SCN7A: variants seen among roughly 807,000 people sequenced by gnomAD.
SCN7A encodes sodium channel protein type 7 subunit alpha.
A neutral mutation model predicts 155.2 loss-of-function variants in SCN7A; 138 were observed. The observed-to-expected ratio is 0.89, with a 90% CI of 0.77 to 1.02. SCN7A has a LOEUF of 1.02. Among genes scored for constraint, SCN7A ranks in the 50% least tolerant of loss-of-function variants. The pLI is 0.00. For synonymous variants in SCN7A, 693 were observed against 649.0 expected (o/e 1.07, Z -1.03); for missense variants, 2,058 against 1,986.6 (o/e 1.04, Z -0.68).
At chr2:166,486,352 A>G (rs1703048574) in intron 2 of SCN7A, among the ~76,000 whole-genome samples, 1 of 152,120 alleles carries the variant, frequency 6.6e-6, no homozygotes, top group South Asian at 2.1e-4. Flanking sequence ...AACCCCTAGC[A>G]CCAAGTCTGG....
chr2:166,486,789 G>T (rs1275064137), intron 2 of SCN7A, 67 bp downstream of exon 2: 4 of 152,190 alleles, frequency 2.6e-5, no homozygotes. Context: ...TTTCTTGTTT[G>T]TTTTTTCTCA....
chr2:166,451,253 G>A (rs945709084), intron 11 of SCN7A, among the ~76,000 whole-genome samples: 2 of 152,126 alleles, frequency 1.3e-5, no homozygotes, highest in African/African-American at 4.8e-5. Flanking sequence ...TTTAGAATAT[G>A]AAATGAATAA....
At chr2:166,472,186 C>T in intron 6 of SCN7A, 131 bp downstream of exon 6, 1 of 837,988 alleles carries the variant, frequency 1.2e-6, no homozygotes, top group South Asian at 1.9e-5. Context: ...CTCACTATGA[C>T]CATAACTTTG....
intron 16 of SCN7A, among the ~76,000 whole-genome samples, chr2:166,432,000 A>G (rs567199066): frequency 1.3e-3 from 200 of 152,210 alleles, no homozygotes; most frequent in Non-Finnish European, 2.3e-3. Flanking sequence ...TTATTAATTT[A>G]TAGAATGTCA....
intron 25 of SCN7A, among the ~76,000 whole-genome samples, chr2:166,408,818 T>C (rs1451864512): frequency 2.0e-5 from 3 of 151,992 alleles, no homozygotes; most frequent in Admixed American, 6.6e-5. Flanking sequence ...TCATGGAACT[T>C]ACACCCTAAT....
At chr2:166,435,114 A>G (rs1261598572) in intron 15 of SCN7A, among the ~76,000 whole-genome samples, 2 of 152,052 alleles carry the variant, frequency 1.3e-5, no homozygotes, top group African/African-American at 4.8e-5. Flanking sequence ...AATGAACGTA[A>G]TCTTAAAAGT....
chr2:166,449,048 G>T lies in SCN7A; in HGVS notation c.1291-1340C>A, dbSNP rs993047410. ...TGTTTATCATGTCTCTTGAATAATG[G>T]TTTTAAGAGATCTTCTGCTTTACTG... On this transcript the variant is annotated intron_variant, in intron 11 of 25. Coordinates refer to ENST00000643258, the MANE Select transcript of SCN7A (RefSeq NM_002976.4). 3.0e-4 allele frequency among the ~76,000 whole-genome samples: 45 copies of T among 152,118 alleles called. 2 individuals carry two copies. The highest frequency in any genetic ancestry group is 1.1e-3 in the African/African-American group (45 of 41,420).
intron 3 of SCN7A, among the ~76,000 whole-genome samples, chr2:166,476,798 C>G (rs1702808557): frequency 6.6e-6 from 1 of 151,932 alleles, no homozygotes; most frequent in Admixed American, 6.6e-5. Context: ...CTGCTCTTGC[C>G]TACACATAGG....
intron 11 of SCN7A, among the ~76,000 whole-genome samples, chr2:166,455,141 A>G (rs1702247877): frequency 6.6e-6 from 1 of 152,168 alleles, no homozygotes; most frequent in African/African-American, 2.4e-5. Context: ...AATTTTATCC[A>G]TCCTTTTAGT....
chr2:166,417,103 C>A (rs868206206), intron 20 of SCN7A, 118 bp from the exon 21 acceptor site: 3 of 786,214 alleles, frequency 3.8e-6, no homozygotes, highest in Middle Eastern at 3.3e-4. Flanking sequence ...CCTTAAAAGG[C>A]CATATCTAAA....
rs933204874 is a variant in SCN7A at position 166,441,812 on chromosome 2, A to G, written c.1801-60T>C. 2.4e-5 allele frequency: 31 copies of G among 1,302,922 alleles called. No homozygotes were observed. In the African/African-American group the frequency reaches 3.8e-4, roughly 16 times the overall value. The allele number at this position is 1,302,922 out of a possible 1,614,324, so 80.7% of individuals were successfully genotyped here. A position where few individuals can be genotyped will look rare whatever the true frequency, so the allele number is the denominator to read the frequency against. ...AAATGACAAAAAACTTGGTCAGTGT[A>G]TATTACAAGGTACAGTGTTATACAC... is the stretch of plus-strand genomic sequence containing the variant. On this transcript the variant is annotated intron_variant, in intron 14 of 25. Transcript: ENST00000643258.
At chr2:166,423,211 G>A in intron 19 of SCN7A, 48 bp downstream of exon 19, 1 of 1,555,806 alleles carries the variant, frequency 6.4e-7, no homozygotes, top group Non-Finnish European at 8.7e-7. Flanking sequence ...TAAGAGTGAG[G>A]AAGAAAAAGT....
chr2:166,440,910 A>T, intron 15 of SCN7A: 1 of 159,814 alleles, frequency 6.3e-6, no homozygotes, highest in East Asian at 1.8e-4. Flanking sequence ...ATACAGCATG[A>T]ATATGCTAGA....
intron 2 of SCN7A, among the ~76,000 whole-genome samples, chr2:166,482,683 G>A (rs560375872): frequency 3.6e-4 from 55 of 151,534 alleles, no homozygotes; most frequent in African/African-American, 1.3e-3. Flanking sequence ...TAATTTTGAT[G>A]TTGAATCAAA....
At chr2:166,421,148 C>T (rs1212908019) in intron 20 of SCN7A, 42 bp downstream of exon 20, 2 of 1,310,564 alleles carry the variant, frequency 1.5e-6, no homozygotes, top group Non-Finnish European at 2.1e-6. Flanking sequence ...TTAGTAATTC[C>T]AAATAAAAAT....
At chr2:166,461,232 C>A (rs539176272) in intron 10 of SCN7A, among the ~76,000 whole-genome samples, 2 of 151,722 alleles carry the variant, frequency 1.3e-5, no homozygotes, top group East Asian at 3.9e-4. Flanking sequence ...ATCAAGTCAA[C>A]CAAAATAAGC....
At chr2:166,473,624 A>C (rs1702707674) in intron 5 of SCN7A, among the ~76,000 whole-genome samples, 175 bp downstream of exon 5, 1 of 151,362 alleles carries the variant, frequency 6.6e-6, no homozygotes, top group African/African-American at 2.4e-5. Context: ...AGATTGCAAT[A>C]GCAAAGAAAA....
At chr2:166,414,264 A>AT (rs1491429981) in intron 21 of SCN7A, among the ~76,000 whole-genome samples, 1,797 of 26,692 alleles carry the variant, frequency 0.067, 322 homozygotes, top group Non-Finnish European at 0.084. Flanking sequence ...AGATATATAT[A>AT]CACACACATA....
At position 166,421,312 on chromosome 2, in the gene SCN7A, T is replaced by A. The variant is rs78117891; in HGVS notation, c.3028-15A>T. 4.8e-4 allele frequency: 672 copies of A among 1,387,972 alleles called. 1 individual carries two copies. The East Asian group carries it at 0.013, about 27-fold the overall frequency. 86.0% of individuals were successfully genotyped at this position (1,387,972 alleles called of 1,614,324 possible). Reference sequence around the variant, plus strand: ...AGACAAAACACCTATATATTTTTTTTAAAAAAAGAGTGAATAGGATTCCAT... The same window carrying A: ...AGACAAAACACCTATATATTTTTTTAAAAAAAAGAGTGAATAGGATTCCAT... On this transcript the variant is annotated splice_polypyrimidine_tract_variant and intron_variant, in intron 19 of 25. Coordinates refer to ENST00000643258, the MANE Select transcript of SCN7A (RefSeq NM_002976.4).
Sources: allele counts gnomAD v4.1 joint callset (sites outside exome capture counted in the v4.1 genomes callset), GRCh38; gene constraint gnomAD v4.1.1; transcripts MANE v1.5; gene names NCBI Gene and HGNC (gene_info 2026-07-23, HGNC 2026-07-21).